The following ENTREP2 variants were observed in gnomAD, a reference collection of about 807,000 sequenced individuals.
ENTREP2 encodes endosomal transmembrane epsin interactor 2.
the ENTREP2 span, among the ~76,000 whole-genome samples, chr15:29,425,173 C>A: frequency 6.6e-6 from 1 of 150,820 alleles, no homozygotes; most frequent in Non-Finnish European, 1.5e-5. Flanking sequence ...GGACTACAGG[C>A]ACCCACCACC....
the ENTREP2 span, among the ~76,000 whole-genome samples, chr15:29,271,217 A>G: frequency 6.6e-6 from 1 of 152,218 alleles, no homozygotes; most frequent in East Asian, 1.9e-4. Context: ...AAGGCCTACT[A>G]TGAAAAACAA....
the ENTREP2 span, among the ~76,000 whole-genome samples, chr15:29,415,305 G>A: frequency 2.0e-5 from 3 of 152,176 alleles, no homozygotes; most frequent in Non-Finnish European, 2.9e-5. Context: ...TATCCACCAT[G>A]ATCAAGTGGG....
At chr15:29,297,408 C>T in the ENTREP2 span, among the ~76,000 whole-genome samples, 1 of 152,280 alleles carries the variant, frequency 6.6e-6, no homozygotes, top group East Asian at 1.9e-4. Context: ...CTAGAGGATG[C>T]TCAAAAACCA....
the ENTREP2 span, among the ~76,000 whole-genome samples, chr15:29,557,601 A>G: frequency 6.6e-6 from 1 of 152,202 alleles, no homozygotes; most frequent in East Asian, 1.9e-4. Flanking sequence ...GGAGGGGAGA[A>G]GTGGTGGGAC....
chr15:29,408,271 A>C, the ENTREP2 span, among the ~76,000 whole-genome samples: 1 of 152,172 alleles, frequency 6.6e-6, no homozygotes, highest in Admixed American at 6.5e-5. Flanking sequence ...TGCCTCCCTC[A>C]TGACATCCTG....
chr15:29,287,398 GAA>G, the ENTREP2 span, among the ~76,000 whole-genome samples: 1,044 of 124,060 alleles, frequency 8.4e-3, 15 homozygotes, highest in Middle Eastern at 0.02. Context: ...AAAAAAAAAA[GAA>G]AAAAAAAAAA....
chr15:29,207,372 G>A, the ENTREP2 span, among the ~76,000 whole-genome samples: 724 of 142,596 alleles, frequency 5.1e-3, 6 homozygotes, highest in African/African-American at 0.018. Flanking sequence ...CCCAAAGAGT[G>A]AGTGATAACA....
At chr15:29,280,865 T>C in the ENTREP2 span, among the ~76,000 whole-genome samples, 1 of 152,186 alleles carries the variant, frequency 6.6e-6, no homozygotes, top group African/African-American at 2.4e-5. Context: ...GGCATCCTTT[T>C]TGAGAAGCAG....
chr15:29,257,975 G>T, the ENTREP2 span, among the ~76,000 whole-genome samples: 3 of 152,138 alleles, frequency 2.0e-5, no homozygotes, highest in African/African-American at 4.8e-5. Context: ...ACTTTGGGAG[G>T]CTGAGGCGGG....
chr15:29,447,590 G>A, the ENTREP2 span, among the ~76,000 whole-genome samples: 1 of 151,704 alleles, frequency 6.6e-6, no homozygotes, highest in Non-Finnish European at 1.5e-5. Flanking sequence ...TCAGCCTCCT[G>A]AGTAGCTGGG....
the ENTREP2 span, among the ~76,000 whole-genome samples, chr15:29,430,978 A>G: frequency 6.6e-6 from 1 of 152,176 alleles, no homozygotes. Flanking sequence ...CTTTGTGCGT[A>G]GCTACCCAAA....
the ENTREP2 span, among the ~76,000 whole-genome samples, chr15:29,369,400 T>C: frequency 3.3e-5 from 5 of 151,564 alleles, no homozygotes; most frequent in Admixed American, 3.3e-4. Flanking sequence ...TTAGAAAACA[T>C]GCAGGACAGG....
At chr15:29,632,333 G>A in the ENTREP2 span, among the ~76,000 whole-genome samples, 554 of 152,292 alleles carry the variant, frequency 3.6e-3, 3 homozygotes, top group African/African-American at 0.013. Context: ...GAATCTACTT[G>A]TCTAGGACCA....
At chr15:29,531,930 G>T in the ENTREP2 span, among the ~76,000 whole-genome samples, 1 of 152,262 alleles carries the variant, frequency 6.6e-6, no homozygotes, top group South Asian at 2.1e-4. Context: ...CTTCCCAAAG[G>T]GCTAGGATTA....
At chr15:29,461,010 T>C in the ENTREP2 span, among the ~76,000 whole-genome samples, 2 of 152,210 alleles carry the variant, frequency 1.3e-5, no homozygotes, top group Admixed American at 1.3e-4. Context: ...TGCCTCACTA[T>C]AGAACATTTA....
At chr15:29,611,392 T>A in the ENTREP2 span, among the ~76,000 whole-genome samples, 14 of 152,146 alleles carry the variant, frequency 9.2e-5, no homozygotes, top group East Asian at 2.7e-3. Flanking sequence ...AAAAAACTCT[T>A]AAAAAAGAAA....
the ENTREP2 span, chr15:29,120,748 A>G: frequency 0.65 from 98,973 of 151,830 alleles, 37,147 homozygotes; most frequent in Middle Eastern, 0.86. Flanking sequence ...CCCAGATGGA[A>G]CATGATTGGA....
At chr15:29,155,684 C>T in the ENTREP2 span, among the ~76,000 whole-genome samples, 11,473 of 152,248 alleles carry the variant, frequency 0.075, 491 homozygotes, top group East Asian at 0.16. Flanking sequence ...GCTGTGTTCC[C>T]TTTCCAGCAC....
At chr15:29,565,565 G>A in the ENTREP2 span, among the ~76,000 whole-genome samples, 1 of 152,148 alleles carries the variant, frequency 6.6e-6, no homozygotes, top group Non-Finnish European at 1.5e-5. Flanking sequence ...TAATAATAAT[G>A]AGTTATGGCT....
Sources: allele counts gnomAD v4.1 joint callset (sites outside exome capture counted in the v4.1 genomes callset), GRCh38; gene constraint gnomAD v4.1.1; transcripts MANE v1.5; gene names NCBI Gene and HGNC (gene_info 2026-07-23, HGNC 2026-07-21).